The following GPRC6A variants were observed in gnomAD, a reference collection of about 807,000 sequenced individuals.
GPRC6A encodes the protein G protein-coupled receptor family C group 6 member A.
GPRC6A carries 54 observed loss-of-function variants against 47.0 expected under a neutral mutation model. The observed-to-expected ratio is 1.15, with a 90% CI of 0.92 to 1.44. GPRC6A has a LOEUF of 1.44. Ranked by LOEUF, GPRC6A falls within the 40% of genes most tolerant of loss-of-function variation. The probability of loss-of-function intolerance (pLI) is 0.00; values close to 1 mark genes in which losing one functional copy is unlikely to be tolerated. For missense variants in GPRC6A, 1,112 were observed against 1,105.5 expected, an observed-to-expected ratio of 1.01 and a Z score of -0.08; for synonymous variants, 347 against 377.1, an observed-to-expected ratio of 0.92 and a Z score of 0.93.
At chr6:116,800,859 T>G in intron 3 of GPRC6A, 63 bp from the exon 4 acceptor site, 1 of 931,224 alleles carries the variant, frequency 1.1e-6, no homozygotes, top group Non-Finnish European at 1.7e-6. Flanking sequence ...TCCATTATTC[T>G]AATGATAACA....
At chr6:116,805,221 T>C (rs926339412) in intron 3 of GPRC6A, among the ~76,000 whole-genome samples, 2 of 152,116 alleles carry the variant, frequency 1.3e-5, no homozygotes, top group Admixed American at 1.3e-4. Context: ...ACCTCCTTAT[T>C]AGATTTTTGG....
chr6:116,811,317 A>C (rs931592968), intron 1 of GPRC6A, among the ~76,000 whole-genome samples: 2 of 152,132 alleles, frequency 1.3e-5, no homozygotes, highest in Non-Finnish European at 2.9e-5. Context: ...CTACAAAAAC[A>C]AATTTTTAAA....
chr6:116,811,661 G>A (rs1773028763), intron 1 of GPRC6A, among the ~76,000 whole-genome samples: 1 of 152,040 alleles, frequency 6.6e-6, no homozygotes, highest in Admixed American at 6.5e-5. Context: ...AGACATAGAT[G>A]TCATAAAAGA....
In GPRC6A at chr6:116,818,390, C is replaced by T. The variant is rs1385136819; in HGVS notation, c.195-8773G>A. ...TCTACTAAAAATACAAAAAATTAGC[C>T]GGGCGTAGTGGCGGGCGCCTGTAGT... is the stretch of plus-strand genomic sequence containing the variant. On this transcript the variant is annotated intron_variant, in intron 1 of 5. Coordinates refer to ENST00000310357, the MANE Select transcript of GPRC6A (RefSeq NM_148963.4). Among the ~76,000 whole-genome samples, 11 of 147,628 alleles carry T rather than the reference C, an allele frequency of 7.5e-5. No individual in the cohort carries two copies. In the South Asian group the frequency reaches 9.0e-4, roughly 12 times the overall value.
rs563275402 is a variant in GPRC6A, at chr6:116,817,958, C to G, written c.195-8341G>C. ...TGGAACCAAGTTGGAAAACACTCTG[C>G]AGGATATTATCCAGGAGAACTTCCC... On this transcript the variant is annotated intron_variant, in intron 1 of 5. Coordinates refer to ENST00000310357, the MANE Select transcript of GPRC6A (RefSeq NM_148963.4). Among the ~76,000 whole-genome samples the G allele has an allele frequency of 2.7e-3, 409 of 152,066 alleles. 1 individual carries two copies. Among genetic ancestry groups the G allele is most frequent in the African/African-American group, 9.7e-3 (401 of 41,516 alleles).
Position 116,809,413 on chromosome 6 carries a change from A to C in GPRC6A, c.399T>G (p.Tyr133Ter). The change falls in exon 2 of 6, where the codon TAT becomes TAG. Residue 133 changes from tyrosine (Y) to a stop codon, truncating the protein, a stop_gained. Coordinates refer to ENST00000310357, the MANE Select transcript of GPRC6A (RefSeq NM_148963.4). LOFTEE classifies it high-confidence loss of function. ...SRETVEFKCD[Y>*]SSYMPRVKAV... ...CCTTAACTCTTGGCATGTAGCTGGA[A>C]TAGTCACACTTAAACTCCACAGTTT... 1 of 1,613,708 alleles carries C rather than the reference A, an allele frequency of 6.2e-7. No individual in the cohort carries two copies.
chr6:116,826,822 TAAAG>T (rs1773693619), intron 1 of GPRC6A, among the ~76,000 whole-genome samples: 1 of 151,532 alleles, frequency 6.6e-6, no homozygotes, highest in Non-Finnish European at 1.5e-5. Flanking sequence ...GAAGAATAGA[TAAAG>T]AAAATGTGAT....
chr6:116,794,615 T>C (rs1217928278), intron 5 of GPRC6A, among the ~76,000 whole-genome samples: 2 of 152,180 alleles, frequency 1.3e-5, no homozygotes, highest in Non-Finnish European at 2.9e-5. Flanking sequence ...CCTTGGTGTT[T>C]TTATTTCTCT....
At chr6:116,826,485 AT>A (rs1773679621) in intron 1 of GPRC6A, among the ~76,000 whole-genome samples, 1 of 152,060 alleles carries the variant, frequency 6.6e-6, no homozygotes, top group Non-Finnish European at 1.5e-5. Context: ...ACAATGAGAT[AT>A]TATCTTACCC....
At chr6:116,807,708 G>C (rs189339693) in intron 2 of GPRC6A, among the ~76,000 whole-genome samples, 2 of 152,170 alleles carry the variant, frequency 1.3e-5, no homozygotes, top group Middle Eastern at 3.4e-3. Flanking sequence ...AAGCTTTTTG[G>C]TCATATATAG....
At chr6:116,801,870 C>T (rs534044577) in intron 3 of GPRC6A, among the ~76,000 whole-genome samples, 1 of 151,820 alleles carries the variant, frequency 6.6e-6, no homozygotes, top group East Asian at 1.9e-4. Flanking sequence ...AATTCACTAA[C>T]AAAATTTTAT....
chr6:116,799,363 A>C (rs1394260508), intron 4 of GPRC6A, among the ~76,000 whole-genome samples: 2 of 152,200 alleles, frequency 1.3e-5, no homozygotes, highest in Non-Finnish European at 2.9e-5. Flanking sequence ...AGTCCTGGGC[A>C]CCTGAATGAT....
intron 1 of GPRC6A, among the ~76,000 whole-genome samples, chr6:116,827,323 G>A (rs1773708536): frequency 6.6e-6 from 1 of 151,822 alleles, no homozygotes; most frequent in African/African-American, 2.4e-5. Flanking sequence ...TCATAAATAT[G>A]TAAACTAATA....
At position 116,792,168 on chromosome 6, in the gene GPRC6A, G is replaced by A. The variant is rs1274050166; in HGVS notation, c.2755C>T (p.Pro919Ser). 1 of 1,612,982 alleles carries A rather than the reference G, an allele frequency of 6.2e-7. No individual in the cohort carries two copies. Among genetic ancestry groups the A allele is most frequent in the Admixed American group, 1.7e-5 (1 of 59,868 alleles). Residue 919 changes from proline to serine, a missense_variant, in exon 6 of 6, where the codon CCT (proline) becomes TCT (serine). Physicochemically the swap from Pro to Ser is moderately conservative, Grantham distance 74 (BLOSUM62 -1). Coordinates refer to ENST00000310357, the MANE Select transcript of GPRC6A (RefSeq NM_148963.4). ...ENATSVSKTL[P>S]RKRMSSI ...CATATACTTGACATTCTTTTTCGAG[G>A]CAAAGTTTTAGATACACTTGTGGCA...
intron 1 of GPRC6A, among the ~76,000 whole-genome samples, chr6:116,822,864 A>C (rs1178660523): frequency 3.5e-5 from 5 of 144,404 alleles, no homozygotes; most frequent in Non-Finnish European, 7.4e-5. Context: ...GTATAATAAT[A>C]AAAAAAAAGA....
intron 4 of GPRC6A, among the ~76,000 whole-genome samples, chr6:116,800,280 CCCTT>C (rs1347650547): frequency 1.7e-4 from 23 of 132,316 alleles, no homozygotes; most frequent in Admixed American, 1.7e-3. Context: ...CTCCCTCCCT[CCCTT>C]CCTTCCTCTC....
chr6:116,825,268 T>C (rs925535493), intron 1 of GPRC6A, among the ~76,000 whole-genome samples: 3 of 152,052 alleles, frequency 2.0e-5, no homozygotes, highest in Non-Finnish European at 4.4e-5. Context: ...ACAAATGGCA[T>C]ACACATTGAA....
chr6:116,795,765 A>T lies in GPRC6A; in HGVS notation c.1619T>A (p.Ile540Asn), dbSNP rs1359760238. Residue 540 changes from isoleucine (I) to asparagine (N), a missense_variant, in exon 5 of 6, where the codon ATC becomes AAC. Ile to Asn is a moderately radical substitution (Grantham distance 149, BLOSUM62 -3). Coordinates refer to ENST00000310357, the MANE Select transcript of GPRC6A (RefSeq NM_148963.4). The part of the protein sequence containing the change: ...QMKKTTRSQH[I>N]CCYECQNCPE... ...ACAGTTCTGACATTCATAGCAACAG[A>T]TGTGTTGACTTCTTGTAGTTTTCTT... The T allele has an allele frequency of 6.2e-7, 1 of 1,609,968 alleles. No individual in the cohort carries two copies. The highest frequency in any genetic ancestry group is 1.3e-5 in the African/African-American group (1 of 74,904).
intron 1 of GPRC6A, among the ~76,000 whole-genome samples, chr6:116,824,759 T>C (rs1773625599): frequency 6.6e-6 from 1 of 152,014 alleles, no homozygotes; most frequent in South Asian, 2.1e-4. Flanking sequence ...AGCATTACCC[T>C]AATGCCAAAA....
Sources: gnomAD v4.1 joint callset for allele counts (sites outside exome capture counted in the v4.1 genomes callset) on GRCh38, gnomAD v4.1.1 for gene constraint, MANE v1.5 for transcripts, NCBI Gene and HGNC (gene_info 2026-07-23, HGNC 2026-07-21) for gene names.